Variants in TNR observed in about 807,000 individuals in gnomAD.
The protein encoded by TNR is tenascin-R.
In TNR, 45 loss-of-function variants were observed where a neutral mutation model predicts 150.4. The ratio of observed to expected loss-of-function variants is 0.30; its 90% confidence interval spans 0.24 to 0.38. The LOEUF is 0.38. TNR is among the 10% of genes least tolerant of loss of function. The probability of loss-of-function intolerance (pLI) is 1.00; values close to 1 mark genes in which losing one functional copy is unlikely to be tolerated. For missense variants in TNR, 1,544 were observed against 1,759.1 expected (o/e 0.88, Z 2.19); for synonymous variants, 687 against 678.4 (o/e 1.01, Z -0.20).
intron 1 of TNR, among the ~76,000 whole-genome samples, chr1:175,738,711 G>T (rs1667841610): frequency 1.3e-5 from 2 of 152,228 alleles, no homozygotes; most frequent in African/African-American, 4.8e-5. Context: ...CATATTATCA[G>T]CTTGCTGTGT....
chr1:175,548,041 C>T (rs946575922), intron 1 of TNR, among the ~76,000 whole-genome samples: 24 of 152,266 alleles, frequency 1.6e-4, no homozygotes, highest in African/African-American at 4.8e-4. Flanking sequence ...GGCAAAGAGA[C>T]CTGGTGGGGA....
chr1:175,588,298 T>C (rs1457101494), intron 1 of TNR, among the ~76,000 whole-genome samples: 1 of 152,216 alleles, frequency 6.6e-6, no homozygotes, highest in East Asian at 1.9e-4. Flanking sequence ...AAGAAATTTC[T>C]TGGGACAAAG....
chr1:175,343,155 A>G (rs61806376), intron 18 of TNR, among the ~76,000 whole-genome samples: 4,552 of 152,152 alleles, frequency 0.03, 99 homozygotes, highest in Non-Finnish European at 0.046. Context: ...AAACCCTTCA[A>G]TGGCTTCTTT....
chr1:175,737,708 C>T (rs778613510), intron 1 of TNR, among the ~76,000 whole-genome samples: 1 of 152,152 alleles, frequency 6.6e-6, no homozygotes, highest in African/African-American at 2.4e-5. Flanking sequence ...TGGTAATAAA[C>T]CTTTATTGAG....
At chr1:175,345,762 G>A (rs1650750099) in intron 18 of TNR, among the ~76,000 whole-genome samples, 1 of 151,856 alleles carries the variant, frequency 6.6e-6, no homozygotes, top group South Asian at 2.1e-4. Context: ...AGGAGAAAGT[G>A]CTTAAATAAA....
intron 1 of TNR, among the ~76,000 whole-genome samples, chr1:175,571,094 T>G (rs1661847663): frequency 6.6e-6 from 1 of 152,208 alleles, no homozygotes; most frequent in South Asian, 2.1e-4. Flanking sequence ...ATCTAACACC[T>G]CAACCTTAAA....
chr1:175,404,553 TG>T (rs927790284), intron 3 of TNR, among the ~76,000 whole-genome samples: 1 of 152,248 alleles, frequency 6.6e-6, no homozygotes, highest in African/African-American at 2.4e-5. Context: ...CATCCTTCTT[TG>T]CACTTGGCCT....
At chr1:175,443,740 GA>G (rs1655902413) in intron 2 of TNR, among the ~76,000 whole-genome samples, 1 of 152,126 alleles carries the variant, frequency 6.6e-6, no homozygotes, top group Non-Finnish European at 1.5e-5. Flanking sequence ...CATGAGAAAA[GA>G]AGATGATGAG....
chr1:175,742,913 G>T (rs973316907), intron 1 of TNR, among the ~76,000 whole-genome samples: 3 of 150,154 alleles, frequency 2.0e-5, no homozygotes, highest in Non-Finnish European at 3.0e-5. Flanking sequence ...ATGGAGACAC[G>T]CAGAAACCAC....
chr1:175,638,368 C>A (rs1289491520), intron 1 of TNR, among the ~76,000 whole-genome samples: 1 of 152,180 alleles, frequency 6.6e-6, no homozygotes, highest in Non-Finnish European at 1.5e-5. Flanking sequence ...GATGTTCAAC[C>A]TCCCTCCTGG....
At chr1:175,606,645 T>C (rs1571669006) in intron 1 of TNR, among the ~76,000 whole-genome samples, 1 of 152,120 alleles carries the variant, frequency 6.6e-6, no homozygotes, top group African/African-American at 2.4e-5. Flanking sequence ...CAGACCCTTG[T>C]CCAGAGCAGC....
At chr1:175,343,894 T>A (rs1650645399) in intron 18 of TNR, among the ~76,000 whole-genome samples, 2 of 152,226 alleles carry the variant, frequency 1.3e-5, no homozygotes, top group South Asian at 4.1e-4. Context: ...CAACCCATGG[T>A]GTTACTGGAA....
chr1:175,339,828 A>G (rs1031771816), intron 18 of TNR, among the ~76,000 whole-genome samples: 4 of 152,244 alleles, frequency 2.6e-5, no homozygotes, highest in Non-Finnish European at 5.9e-5. Flanking sequence ...ACAGTCTCAT[A>G]CAAATACACA....
intron 9 of TNR, among the ~76,000 whole-genome samples, chr1:175,373,133 C>T (rs977448627): frequency 4.6e-5 from 7 of 151,934 alleles, no homozygotes; most frequent in East Asian, 1.9e-4. Context: ...GGGGAGACTC[C>T]GAAGAGAGGA....
At position 175,355,464 on chromosome 1, in the gene TNR, T is replaced by C. The variant is rs199588619; in HGVS notation, c.3249+39A>G. ...TAGTCAGTTTCCACATGGCCTCACT[T>C]GGAAGAAATGGTCTTTTCCCTTTCC... On this transcript the variant is annotated intron_variant, in intron 17 of 22. Transcript: ENST00000367674. The C allele has an allele frequency of 5.7e-5, 92 of 1,607,068 alleles. 1 individual carries two copies. The East Asian group carries it at 2.0e-3, about 35-fold the overall frequency.
Position 175,428,240 on chromosome 1 carries a change from G to A in TNR, c.-63-21463C>T, listed in dbSNP as rs79261360. On this transcript the variant is annotated intron_variant, in intron 2 of 22. Transcript: ENST00000367674. ...CTAGAAGATAATTTGGTTAGGGCTT[G>A]TCCCTCTTTGTCCTTAATGGTCTTC... 7.3e-3 allele frequency among the ~76,000 whole-genome samples: 1,105 copies of A among 152,294 alleles called. 12 individuals are homozygous for A. The highest frequency in any genetic ancestry group is 0.025 in the African/African-American group (1,035 of 41,558).
At chr1:175,375,980 G>A (rs1245307142) in intron 9 of TNR, among the ~76,000 whole-genome samples, 1 of 152,202 alleles carries the variant, frequency 6.6e-6, no homozygotes, top group Non-Finnish European at 1.5e-5. Flanking sequence ...ATTTGCTCAA[G>A]GATGCACTTT....
chr1:175,455,371 A>G (rs1204251842), intron 2 of TNR, among the ~76,000 whole-genome samples: 1 of 152,264 alleles, frequency 6.6e-6, no homozygotes, highest in Admixed American at 6.5e-5. Context: ...CTTAGAATTA[A>G]TGTGCATTTT....
chr1:175,696,009 G>GATGGATGGATGA (rs1666505900), intron 1 of TNR, among the ~76,000 whole-genome samples: 1 of 151,898 alleles, frequency 6.6e-6, no homozygotes. Context: ...TGGATGGATG[G>GATGGATGGATGA]ATGGACAGAT....
Sources: gnomAD v4.1 joint callset for allele counts (sites outside exome capture counted in the v4.1 genomes callset) on GRCh38, gnomAD v4.1.1 for gene constraint, MANE v1.5 for transcripts, NCBI Gene and HGNC (gene_info 2026-07-23, HGNC 2026-07-21) for gene names.